PRLR: variants seen among roughly 807,000 people sequenced by gnomAD.
PRLR encodes the protein hPRL receptor.
A neutral mutation model predicts 40.2 loss-of-function variants in PRLR; 13 were observed. That is an observed-to-expected ratio of 0.32 (90% confidence interval 0.21 to 0.51). The LOEUF is 0.51. Ranked by LOEUF, PRLR falls within the 20% of genes least tolerant of loss-of-function variation. The pLI, the probability that PRLR is intolerant of heterozygous loss-of-function variation, is 0.97. For missense variants in PRLR, 656 were observed against 747.3 expected (o/e 0.88, Z 1.42); for synonymous variants, 269 against 278.7 (o/e 0.97, Z 0.35).
At chr5:35,164,303 CATA>C (rs1162338021) in intron 1 of PRLR, among the ~76,000 whole-genome samples, 7 of 152,102 alleles carry the variant, frequency 4.6e-5, no homozygotes, top group Non-Finnish European at 1.0e-4. Flanking sequence ...TGATGACAAA[CATA>C]ATAATTATAG....
In PRLR at chr5:35,099,432, G is replaced by A. The variant is rs140361363; in HGVS notation, c.-43-9769C>T. 1.3e-3 allele frequency among the ~76,000 whole-genome samples: 203 copies of A among 152,266 alleles called. 1 individual carries two copies. Among genetic ancestry groups the A allele is most frequent in the African/African-American group, 4.4e-3 (181 of 41,540 alleles). On this transcript the variant is annotated intron_variant, in intron 2 of 9. Coordinates refer to ENST00000618457, the MANE Select transcript of PRLR (RefSeq NM_000949.7). ...ACTGCTAGTCGTATAAAAGTAGAGCGCATACAATTATGTGCAGTATATATA... is the reference window on the plus strand; with the variant it reads ...ACTGCTAGTCGTATAAAAGTAGAGCACATACAATTATGTGCAGTATATATA...
chr5:35,087,250 A>G (rs1770913502), intron 3 of PRLR, among the ~76,000 whole-genome samples: 1 of 152,086 alleles, frequency 6.6e-6, no homozygotes, highest in Admixed American at 6.6e-5. Flanking sequence ...TTGGCCTCCC[A>G]AACTGCTGGG....
chr5:35,220,433 A>C (rs1776386797), intron 1 of PRLR, among the ~76,000 whole-genome samples: 9 of 152,184 alleles, frequency 5.9e-5, no homozygotes, highest in Admixed American at 5.9e-4. Flanking sequence ...TGCTAGCTTG[A>C]AGGGCACCTC....
intron 1 of PRLR, among the ~76,000 whole-genome samples, chr5:35,120,502 A>G (rs1023945625): frequency 1.3e-5 from 2 of 152,130 alleles, no homozygotes; most frequent in Non-Finnish European, 2.9e-5. Context: ...ACTTCCTAAC[A>G]TGAGGATATA....
At chr5:35,108,779 G>A (rs1042628779) in intron 2 of PRLR, among the ~76,000 whole-genome samples, 1 of 152,146 alleles carries the variant, frequency 6.6e-6, no homozygotes, top group Non-Finnish European at 1.5e-5. Flanking sequence ...TCATAAAAAT[G>A]GCCATACTGC....
intron 1 of PRLR, among the ~76,000 whole-genome samples, chr5:35,170,423 G>C (rs774886436): frequency 1.3e-5 from 2 of 152,198 alleles, no homozygotes; most frequent in Non-Finnish European, 2.9e-5. Flanking sequence ...TAGAAATAAA[G>C]GCAGGAGGAT....
At chr5:35,070,841 C>CAAAA (rs34668616) in intron 6 of PRLR, among the ~76,000 whole-genome samples, 6 of 69,128 alleles carry the variant, frequency 8.7e-5, no homozygotes, top group African/African-American at 1.5e-4. Context: ...AACTCCGTCT[C>CAAAA]AAAAAAAAAA....
intron 1 of PRLR, among the ~76,000 whole-genome samples, chr5:35,141,374 G>A (rs1365941108): frequency 6.6e-6 from 1 of 152,144 alleles, no homozygotes; most frequent in African/African-American, 2.4e-5. Context: ...ATCTATGGGG[G>A]TCATGAAAGC....
At chr5:35,146,231 A>G (rs2111842227) in intron 1 of PRLR, among the ~76,000 whole-genome samples, 1 of 152,236 alleles carries the variant, frequency 6.6e-6, no homozygotes, top group East Asian at 1.9e-4. Flanking sequence ...GGGATATCAA[A>G]GAGAGTATAT....
In PRLR at chr5:35,065,365, G is replaced by T. The variant is rs143852514; in HGVS notation, c.1593C>A (p.Ser531Arg). The change falls in exon 10 of 10, where the codon AGC (serine) becomes AGA (arginine). Residue 531 changes from serine (S) to arginine (R), a missense_variant. Ser to Arg is a moderately radical substitution (Grantham distance 110). Around this residue, in one of 3 missense-constraint regions of PRLR, gnomAD observed 469 missense variants for 491.5 expected, o/e 0.95. Coordinates refer to ENST00000618457, the MANE Select transcript of PRLR (RefSeq NM_000949.7). ...LSLLPKQREN[S>R]GKPKKPGTPE... ...GAGTCCCGGGCTTCTTGGGCTTGCC[G>T]CTGTTCTCTCTCTGTTTTGGTAGCA... 6.2e-7 allele frequency: 1 copy of T among 1,614,108 alleles called. No individual in the cohort carries two copies. The highest frequency in any genetic ancestry group is 8.5e-7 in the Non-Finnish European group (1 of 1,180,022).
intron 1 of PRLR, among the ~76,000 whole-genome samples, chr5:35,182,797 C>T (rs1028813774): frequency 2.0e-5 from 3 of 152,162 alleles, no homozygotes; most frequent in Admixed American, 6.5e-5. Flanking sequence ...CCACAAACCA[C>T]GCTCTTAACC....
At chr5:35,084,709 T>A in intron 4 of PRLR, 70 bp from the exon 5 acceptor site, 1 of 1,424,070 alleles carries the variant, frequency 7.0e-7, no homozygotes, top group East Asian at 2.5e-5. Flanking sequence ...TCTTCATAGA[T>A]CAATACCACT....
intron 2 of PRLR, among the ~76,000 whole-genome samples, chr5:35,107,679 G>A (rs1296999814): frequency 6.6e-6 from 1 of 152,304 alleles, no homozygotes; most frequent in South Asian, 2.1e-4. Flanking sequence ...CAACCAGGAA[G>A]AAGTCGAATC....
chr5:35,141,939 G>A (rs1282554682), intron 1 of PRLR, among the ~76,000 whole-genome samples: 2 of 152,162 alleles, frequency 1.3e-5, no homozygotes, highest in African/African-American at 4.8e-5. Flanking sequence ...TGAGGGCAGG[G>A]ATCCTGCCCA....
chr5:35,154,822 A>T (rs1188377981), intron 1 of PRLR, among the ~76,000 whole-genome samples: 1 of 152,204 alleles, frequency 6.6e-6, no homozygotes, highest in South Asian at 2.1e-4. Context: ...AAAAAACGAG[A>T]TCATGTCTTC....
At chr5:35,213,832 A>G (rs1468956767) in intron 1 of PRLR, among the ~76,000 whole-genome samples, 3 of 152,132 alleles carry the variant, frequency 2.0e-5, no homozygotes, top group Non-Finnish European at 2.9e-5. Context: ...CATCTCTCAC[A>G]AATGGAAACA....
At chr5:35,195,010 T>A (rs1301256850) in intron 1 of PRLR, 1 of 152,194 alleles carries the variant, frequency 6.6e-6, no homozygotes. Flanking sequence ...AAAACGGGTA[T>A]GTGGGAACTG....
At chr5:35,157,983 A>T (rs779031980) in intron 1 of PRLR, among the ~76,000 whole-genome samples, 11 of 152,178 alleles carry the variant, frequency 7.2e-5, no homozygotes, top group Non-Finnish European at 1.3e-4. Flanking sequence ...TATAAGCCAA[A>T]TTTATCTGCT....
intron 1 of PRLR, among the ~76,000 whole-genome samples, chr5:35,170,292 TTATCATA>T (rs1774962385): frequency 6.6e-6 from 1 of 152,186 alleles, no homozygotes; most frequent in African/African-American, 2.4e-5. Context: ...CATTAGAAGT[TTATCATA>T]TGCCTTAAGC....
Sources: allele counts gnomAD v4.1 joint callset (sites outside exome capture counted in the v4.1 genomes callset), GRCh38; gene constraint gnomAD v4.1.1; regional missense constraint gnomAD v4.1.1; transcripts MANE v1.5; gene names NCBI Gene and HGNC (gene_info 2026-07-23, HGNC 2026-07-21).